Variants in MYO16 observed in about 807,000 individuals in gnomAD.
The protein encoded by MYO16 is unconventional myosin-XVI.
A neutral mutation model predicts 205.3 loss-of-function variants in MYO16; 94 were observed. The ratio of observed to expected loss-of-function variants is 0.46; its 90% CI spans 0.39 to 0.54. The LOEUF (loss-of-function observed/expected upper bound fraction) is 0.54. Among genes scored for constraint, MYO16 ranks in the 20% least tolerant of loss-of-function variants. The pLI is 0.00. For synonymous variants in MYO16, 988 were observed against 954.0 expected (o/e 1.04, Z -0.66); for missense variants, 2,315 against 2,387.5 (o/e 0.97, Z 0.63).
chr13:109,177,036 C>CT (rs1879229603), intron 33 of MYO16, among the ~76,000 whole-genome samples: 2 of 152,202 alleles, frequency 1.3e-5, no homozygotes, highest in African/African-American at 4.8e-5. Flanking sequence ...GTCACATTTC[C>CT]GCGAAGCGTC....
At chr13:108,793,037 A>T (rs1296576420) in intron 5 of MYO16, among the ~76,000 whole-genome samples, 1 of 152,198 alleles carries the variant, frequency 6.6e-6, no homozygotes, top group Non-Finnish European at 1.5e-5. Context: ...ACATCCCAGC[A>T]CTTTGGGAAG....
chr13:108,863,775 A>G (rs1417706326), intron 11 of MYO16, among the ~76,000 whole-genome samples: 3 of 152,106 alleles, frequency 2.0e-5, no homozygotes, highest in Non-Finnish European at 4.4e-5. Context: ...TTGTACATCA[A>G]TGTTGGGAAG....
chr13:108,859,991 G>C (rs1878375100), intron 11 of MYO16, among the ~76,000 whole-genome samples: 1 of 152,048 alleles, frequency 6.6e-6, no homozygotes, highest in Admixed American at 6.6e-5. Context: ...GGGTGACCCA[G>C]GTTAATGTAG....
chr13:108,556,833 A>G, the MYO16 span, among the ~76,000 whole-genome samples: 1 of 151,958 alleles, frequency 6.6e-6, no homozygotes, highest in African/African-American at 2.4e-5. Flanking sequence ...GTAAAGATAT[A>G]GCTTCATTCT....
chr13:108,724,344 A>G (rs1246805318), intron 3 of MYO16, among the ~76,000 whole-genome samples: 1 of 152,184 alleles, frequency 6.6e-6, no homozygotes, highest in Admixed American at 6.5e-5. Flanking sequence ...GGAATGTTGA[A>G]GGGAAGTGGT....
At chr13:108,501,734 A>G in the MYO16 span, among the ~76,000 whole-genome samples, 1 of 152,238 alleles carries the variant, frequency 6.6e-6, no homozygotes, top group Non-Finnish European at 1.5e-5. Flanking sequence ...CGTTTAAAGT[A>G]TGGAGAAAAC....
chr13:109,092,967 G>T (rs1042662282), intron 27 of MYO16, among the ~76,000 whole-genome samples: 10 of 152,108 alleles, frequency 6.6e-5, no homozygotes, highest in African/African-American at 2.4e-4. Context: ...CCAAAATGAA[G>T]ACTATCTATG....
At chr13:108,656,116 T>C (rs1881232045) in intron 1 of MYO16, among the ~76,000 whole-genome samples, 2 of 152,060 alleles carry the variant, frequency 1.3e-5, no homozygotes, top group African/African-American at 2.4e-5. Flanking sequence ...CAGAATGATA[T>C]GGTTTGGCTG....
intron 4 of MYO16, among the ~76,000 whole-genome samples, chr13:108,766,253 A>G (rs1020179374): frequency 6.6e-6 from 1 of 152,248 alleles, no homozygotes; most frequent in African/African-American, 2.4e-5. Context: ...GATCACGAAC[A>G]GATGGAAGCT....
intron 1 of MYO16, among the ~76,000 whole-genome samples, chr13:108,624,176 A>G (rs1879647243): frequency 1.3e-5 from 2 of 152,200 alleles, no homozygotes; most frequent in African/African-American, 4.8e-5. Context: ...AATTAAGAAT[A>G]TCTTTTAGAT....
At chr13:109,203,840 C>T (rs1030361966) in intron 34 of MYO16, among the ~76,000 whole-genome samples, 1 of 152,194 alleles carries the variant, frequency 6.6e-6, no homozygotes. Flanking sequence ...TGGCCTAGGG[C>T]GCCCATCACC....
At chr13:108,671,004 A>G (rs1409738028) in intron 2 of MYO16, among the ~76,000 whole-genome samples, 1 of 152,220 alleles carries the variant, frequency 6.6e-6, no homozygotes, top group Non-Finnish European at 1.5e-5. Context: ...GAATATTGGT[A>G]TAAAGACACT....
the MYO16 span, among the ~76,000 whole-genome samples, chr13:108,516,965 C>T: frequency 6.6e-6 from 1 of 150,646 alleles, no homozygotes; most frequent in Non-Finnish European, 1.5e-5. Context: ...GGGTCTCACT[C>T]TGTTTCCCAG....
rs979339421 is a variant in MYO16 at position 108,734,912 on chromosome 13, T to A, written c.507+7329T>A. ...CTGCAATGGAGCCTGGGAAATGTAG[T>A]TTCTAGCCTCCTAGAAAGTCCAGTG... On this transcript the variant is annotated intron_variant, in intron 4 of 34. Coordinates refer to ENST00000457511, the MANE Select transcript of MYO16 (RefSeq NM_001198950.3). Among the ~76,000 whole-genome samples the A allele has an allele frequency of 3.9e-5, 6 of 152,116 alleles. No homozygotes were observed. The East Asian group carries it at 9.7e-4, about 25-fold the overall frequency.
chr13:108,701,706 G>A (rs945480691), intron 2 of MYO16, among the ~76,000 whole-genome samples: 1 of 152,000 alleles, frequency 6.6e-6, no homozygotes, highest in Non-Finnish European at 1.5e-5. Context: ...GAAAAAAGTA[G>A]TCAACAGAAT....
At chr13:108,504,575 G>A in the MYO16 span, among the ~76,000 whole-genome samples, 8 of 150,926 alleles carry the variant, frequency 5.3e-5, no homozygotes, top group Non-Finnish European at 1.2e-4. Flanking sequence ...TCTCTCTGTT[G>A]CCAGGGCTGG....
At chr13:109,172,678 C>A (rs1342335782) in intron 33 of MYO16, among the ~76,000 whole-genome samples, 2 of 152,196 alleles carry the variant, frequency 1.3e-5, no homozygotes, top group Non-Finnish European at 2.9e-5. Flanking sequence ...GCACCTACTT[C>A]ATGGACTGCT....
At chr13:109,166,367 CAAAT>C (rs1878662934) in intron 33 of MYO16, among the ~76,000 whole-genome samples, 1 of 151,870 alleles carries the variant, frequency 6.6e-6, no homozygotes, top group African/African-American at 2.4e-5. Context: ...AAAAACAAAA[CAAAT>C]AAAAAATAAC....
At chr13:108,982,071 A>G (rs1884463795) in intron 20 of MYO16, among the ~76,000 whole-genome samples, 1 of 152,252 alleles carries the variant, frequency 6.6e-6, no homozygotes. Context: ...CTTAGTAGCC[A>G]GAAGCCCCTG....
Sources: allele counts gnomAD v4.1 joint callset (sites outside exome capture counted in the v4.1 genomes callset), GRCh38; gene constraint gnomAD v4.1.1; transcripts MANE v1.5; gene names NCBI Gene and HGNC (gene_info 2026-07-23, HGNC 2026-07-21).